SLC44A1: variants seen among roughly 807,000 people sequenced by gnomAD.
SLC44A1 encodes the protein solute carrier family 44 member 1.
In SLC44A1, 26 loss-of-function variants were observed where a neutral mutation model predicts 79.3. That is an observed-to-expected ratio of 0.33 (90% CI 0.24 to 0.46). SLC44A1 has a LOEUF of 0.46. Ranked by LOEUF, SLC44A1 falls within the 20% of genes least tolerant of loss-of-function variation. The pLI, the probability that SLC44A1 is intolerant of heterozygous loss-of-function variation, is 1.00. For synonymous variants in SLC44A1, 263 were observed against 286.2 expected (o/e 0.92, Z 0.82); for missense variants, 688 against 798.1 (o/e 0.86, Z 1.66).
intron 15 of SLC44A1, among the ~76,000 whole-genome samples, chr9:105,433,072 G>T (rs189703558): frequency 1.1e-3 from 167 of 152,170 alleles, no homozygotes; most frequent in Non-Finnish European, 1.8e-3. Context: ...AAGCGGGGTG[G>T]ATCACCTGAG....
chr9:105,408,383 A>AT (rs756340676), intron 15 of SLC44A1, among the ~76,000 whole-genome samples: 25 of 150,858 alleles, frequency 1.7e-4, no homozygotes, highest in Non-Finnish European at 2.9e-4. Context: ...GTATTATTGT[A>AT]TTTTTTGTTT....
At chr9:105,410,367 C>T (rs1228659371) in intron 15 of SLC44A1, among the ~76,000 whole-genome samples, 1 of 152,180 alleles carries the variant, frequency 6.6e-6, no homozygotes, top group East Asian at 1.9e-4. Flanking sequence ...ATGTGAACAA[C>T]TCTTACTACT....
At chr9:105,424,096 A>T (rs181234223) in intron 15 of SLC44A1, among the ~76,000 whole-genome samples, 48 of 152,320 alleles carry the variant, frequency 3.2e-4, no homozygotes, top group Admixed American at 7.2e-4. Context: ...GAGATTTTTC[A>T]GAGTTAATTT....
chr9:105,328,520 C>A (rs185642742), intron 3 of SLC44A1, among the ~76,000 whole-genome samples: 211 of 152,242 alleles, frequency 1.4e-3, no homozygotes, highest in Middle Eastern at 6.8e-3. Flanking sequence ...AGAAAGGAGA[C>A]CAGTGGGAGA....
intron 1 of SLC44A1, among the ~76,000 whole-genome samples, chr9:105,293,339 A>G (rs1830647093): frequency 6.6e-6 from 1 of 152,204 alleles, no homozygotes; most frequent in Admixed American, 6.5e-5. Context: ...TGCCTTAATT[A>G]GGAGAAAGTC....
intron 15 of SLC44A1, among the ~76,000 whole-genome samples, chr9:105,428,865 C>T (rs1460897323): frequency 3.3e-5 from 5 of 152,114 alleles, no homozygotes; most frequent in South Asian, 2.1e-4. Flanking sequence ...GCCACCACGC[C>T]CAGCTAATTT....
At chr9:105,361,801 C>T (rs1325932099) in intron 8 of SLC44A1, among the ~76,000 whole-genome samples, 1 of 152,148 alleles carries the variant, frequency 6.6e-6, no homozygotes, top group African/African-American at 2.4e-5. Context: ...GCCTATAATG[C>T]AAGCACTTTG....
At chr9:105,431,968 G>A (rs978964195) in intron 15 of SLC44A1, among the ~76,000 whole-genome samples, 1 of 152,174 alleles carries the variant, frequency 6.6e-6, no homozygotes, top group African/African-American at 2.4e-5. Flanking sequence ...TGTTGCCCAG[G>A]CTTTAGTGCA....
rs191165654 is a variant in SLC44A1, at chr9:105,408,744, G to A, written c.1950+23242G>A. Among the ~76,000 whole-genome samples, 11 of 152,190 alleles carry A rather than the reference G, an allele frequency of 7.2e-5. No individual in the cohort carries two copies. In the East Asian group the frequency reaches 1.9e-3, roughly 27 times the overall value. On this transcript the variant is annotated intron_variant, in intron 15 of 15. Coordinates refer to the SLC44A1 transcript ENST00000374724. Reference sequence around the variant, plus strand: ...ACTTTTTTTCTACATGATTTAAAAGGCAAATGCATAAAACAATAATTATAA... The same window carrying A: ...ACTTTTTTTCTACATGATTTAAAAGACAAATGCATAAAACAATAATTATAA...
intron 3 of SLC44A1, among the ~76,000 whole-genome samples, chr9:105,334,366 T>C (rs1033788135): frequency 6.6e-6 from 1 of 152,008 alleles, no homozygotes; most frequent in Admixed American, 6.6e-5. Flanking sequence ...CCCTTTTTTT[T>C]CCTACTTATT....
intron 1 of SLC44A1, among the ~76,000 whole-genome samples, chr9:105,282,750 T>A (rs1231642557): frequency 1.3e-5 from 2 of 152,112 alleles, no homozygotes; most frequent in East Asian, 1.9e-4. Flanking sequence ...GGTTTCACCA[T>A]GTTGGCCAGG....
intron 1 of SLC44A1, among the ~76,000 whole-genome samples, chr9:105,255,511 A>T (rs913939953): frequency 2.0e-5 from 3 of 147,638 alleles, no homozygotes; most frequent in African/African-American, 8.1e-5. Flanking sequence ...CAAAAAGTTT[A>T]ATTTAAAACA....
At position 105,320,757 on chromosome 9, in the gene SLC44A1, G is replaced by T. The variant is rs537972730; in HGVS notation, c.269+10891G>T. Among the ~76,000 whole-genome samples the T allele has an allele frequency of 1.3e-4, 20 of 152,128 alleles. No homozygotes were observed. The Middle Eastern group carries it at 0.024, about 181-fold the overall frequency. ...CATGCATGTCACCATGCATGTCTCT[G>T]TTCTTTTTATTCTTAGCCATTCTAG... is the stretch of plus-strand genomic sequence containing the variant. On this transcript the variant is annotated intron_variant, in intron 3 of 15. Transcript: ENST00000374720.
chr9:105,311,109 TTTC>T (rs1254056333), intron 3 of SLC44A1, among the ~76,000 whole-genome samples: 13 of 152,218 alleles, frequency 8.5e-5, no homozygotes, highest in Non-Finnish European at 4.4e-5. Context: ...AATTGTTACA[TTTC>T]TTCTTCTTTA....
intron 12 of SLC44A1, among the ~76,000 whole-genome samples, chr9:105,373,460 ATGGG>A (rs1180804921): frequency 6.6e-6 from 1 of 152,228 alleles, no homozygotes; most frequent in Non-Finnish European, 1.5e-5. Flanking sequence ...CAAAGAGCAC[ATGGG>A]GCAGCAGAAG....
chr9:105,425,436 G>A (rs190589732), intron 15 of SLC44A1, among the ~76,000 whole-genome samples: 12 of 152,266 alleles, frequency 7.9e-5, no homozygotes, highest in Admixed American at 3.3e-4. Flanking sequence ...ATGTAGTTGC[G>A]GAAAGATCTG....
rs367863624 is a variant in SLC44A1, at chr9:105,393,489, C to T, written c.*4433C>T. 6 of 944,574 alleles carry T rather than the reference C, an allele frequency of 6.4e-6. No homozygotes were observed. In the South Asian group the frequency reaches 2.9e-4, roughly 46 times the overall value. 58.5% of individuals were successfully genotyped at this position (944,574 alleles called of 1,614,324 possible). On this transcript the variant is annotated 3_prime_UTR_variant, in exon 16 of 16. Transcript: ENST00000374720. ...CATACATTTGAGCCAAATTCTTATACTCCATGTTTTAATTTTAAAAGGATA... is the reference window on the plus strand; with the variant it reads ...CATACATTTGAGCCAAATTCTTATATTCCATGTTTTAATTTTAAAAGGATA...
At chr9:105,285,962 A>G (rs746273669) in intron 1 of SLC44A1, among the ~76,000 whole-genome samples, 1 of 152,072 alleles carries the variant, frequency 6.6e-6, no homozygotes, top group African/African-American at 2.4e-5. Flanking sequence ...TTACACAGAC[A>G]TGGTGGCATG....
chr9:105,279,352 CTG>C (rs1362943227), intron 1 of SLC44A1, among the ~76,000 whole-genome samples: 39 of 142,854 alleles, frequency 2.7e-4, no homozygotes, highest in African/African-American at 9.8e-4. Flanking sequence ...GAGTCTGACT[CTG>C]TTGCCCAGGC....
Sources: allele counts gnomAD v4.1 joint callset (sites outside exome capture counted in the v4.1 genomes callset), GRCh38; gene constraint gnomAD v4.1.1; transcripts MANE v1.5; gene names NCBI Gene and HGNC (gene_info 2026-07-23, HGNC 2026-07-21).